The following PDK1 variants were observed in gnomAD, a reference collection of about 807,000 sequenced individuals.
PDK1 encodes pyruvate dehydrogenase kinase 1.
A neutral mutation model predicts 54.2 loss-of-function variants in PDK1; 39 were observed. The ratio of observed to expected loss-of-function variants is 0.72; its 90% CI spans 0.56 to 0.94. The LOEUF (loss-of-function observed/expected upper bound fraction) is 0.94. Among genes scored for constraint, PDK1 ranks in the 40% least tolerant of loss-of-function variants. The pLI is 0.00. For synonymous variants in PDK1, 221 were observed against 207.1 expected, an observed-to-expected ratio of 1.07 and a Z score of -0.58; for missense variants, 552 against 566.0, an observed-to-expected ratio of 0.98 and a Z score of 0.25.
chr2:172,560,831 A>G (rs1274808478), intron 2 of PDK1, among the ~76,000 whole-genome samples: 2 of 152,210 alleles, frequency 1.3e-5, no homozygotes, highest in African/African-American at 4.8e-5. Flanking sequence ...TTACTGATTT[A>G]AAAGTGTTGT....
the PDK1 span, among the ~76,000 whole-genome samples, chr2:172,713,733 C>T: frequency 6.6e-5 from 10 of 152,230 alleles, no homozygotes; most frequent in African/African-American, 2.4e-4. Context: ...CACAGGGATG[C>T]CCAGGTCCTG....
At chr2:172,709,187 A>C in the PDK1 span, among the ~76,000 whole-genome samples, 2 of 151,956 alleles carry the variant, frequency 1.3e-5, no homozygotes, top group Non-Finnish European at 2.9e-5. Context: ...TACCACCACC[A>C]CCCTAAGCCA....
At chr2:172,660,247 C>CTTTTTTTTTTTTTTTTTTT in the PDK1 span, among the ~76,000 whole-genome samples, 1 of 44,218 alleles carries the variant, frequency 2.3e-5, no homozygotes, top group Non-Finnish European at 3.9e-5. Context: ...CTCTCTCTCT[C>CTTTTTTTTTTTTTTTTTTT]TTTTTTTTTT....
At chr2:172,583,889 A>G (rs1246541140) in intron 8 of PDK1, among the ~76,000 whole-genome samples, 3 of 152,138 alleles carry the variant, frequency 2.0e-5, no homozygotes, top group African/African-American at 4.8e-5. Flanking sequence ...GTGTATGACA[A>G]CTATATTGTT....
the PDK1 span, among the ~76,000 whole-genome samples, chr2:172,645,822 A>C: frequency 6.6e-6 from 1 of 152,194 alleles, no homozygotes; most frequent in African/African-American, 2.4e-5. Flanking sequence ...CCTGGCAGAA[A>C]GGATGTTTGT....
At chr2:172,681,784 A>T in the PDK1 span, among the ~76,000 whole-genome samples, 1 of 152,146 alleles carries the variant, frequency 6.6e-6, no homozygotes, top group African/African-American at 2.4e-5. Context: ...TTTTTTATGG[A>T]GTCTCAGTCT....
At chr2:172,629,364 C>A in the PDK1 span, among the ~76,000 whole-genome samples, 1 of 152,160 alleles carries the variant, frequency 6.6e-6, no homozygotes, top group Admixed American at 6.5e-5. Flanking sequence ...CCCACAGGCC[C>A]CACTGGTGGA....
intron 3 of PDK1, chr2:172,564,251 G>C: frequency 1.9e-6 from 1 of 527,658 alleles, no homozygotes; most frequent in Non-Finnish European, 3.4e-6. Context: ...TACGTTTTGT[G>C]GCAGCCTTAC....
chr2:172,719,629 A>G, the PDK1 span, among the ~76,000 whole-genome samples: 8 of 151,870 alleles, frequency 5.3e-5, no homozygotes, highest in Non-Finnish European at 1.0e-4. Context: ...CCAGTTTCCA[A>G]TATATGTTTA....
the PDK1 span, among the ~76,000 whole-genome samples, chr2:172,713,292 A>G: frequency 6.6e-6 from 1 of 152,212 alleles, no homozygotes; most frequent in Non-Finnish European, 1.5e-5. Flanking sequence ...GGGCTTGGAA[A>G]AAGTACTGTA....
At chr2:172,649,539 G>A in the PDK1 span, among the ~76,000 whole-genome samples, 18 of 152,090 alleles carry the variant, frequency 1.2e-4, no homozygotes, top group African/African-American at 3.1e-4. Flanking sequence ...AAACTTCTCC[G>A]AGCTAAAGGA....
intron 3 of PDK1, chr2:172,564,055 A>T: frequency 4.2e-6 from 2 of 471,688 alleles, no homozygotes; most frequent in Non-Finnish European, 8.8e-6. Flanking sequence ...ACCCTAGGGA[A>T]TAGGTCCAAA....
chr2:172,666,346 AT>A, the PDK1 span, among the ~76,000 whole-genome samples: 1 of 152,232 alleles, frequency 6.6e-6, no homozygotes, highest in Non-Finnish European at 1.5e-5. Flanking sequence ...TTGGAAATAA[AT>A]TTTCAGTGCC....
At chr2:172,676,327 G>GT in the PDK1 span, among the ~76,000 whole-genome samples, 1 of 152,170 alleles carries the variant, frequency 6.6e-6, no homozygotes, top group Non-Finnish European at 1.5e-5. Flanking sequence ...TCTGGGCAAA[G>GT]TAAATAGAAA....
the PDK1 span, among the ~76,000 whole-genome samples, chr2:172,683,415 G>A: frequency 2.0e-5 from 3 of 151,958 alleles, no homozygotes; most frequent in African/African-American, 7.3e-5. Flanking sequence ...GGCTGTACAG[G>A]AAGCATGGCA....
the PDK1 span, among the ~76,000 whole-genome samples, chr2:172,680,576 C>T: frequency 6.6e-6 from 1 of 151,856 alleles, no homozygotes; most frequent in African/African-American, 2.4e-5. Flanking sequence ...CTATGTTGAC[C>T]AGGCTGGTCT....
the PDK1 span, chr2:172,723,660 C>T: frequency 2.0e-5 from 3 of 152,178 alleles, no homozygotes; most frequent in Non-Finnish European, 2.9e-5. Context: ...CTGGATAACA[C>T]AAGCCAAAGA....
rs954868771 is a variant in PDK1 at position 172,606,935 on chromosome 2, T to C, written c.*10966T>C. ...GGTAGTTTCTCTATCATGCCACTTT[T>C]GTAGCATGCTTTGGGGTCTTATTCC... On this transcript the variant is annotated 3_prime_UTR_variant, in exon 11 of 11. Transcript: ENST00000282077. 3.3e-5 allele frequency: 5 copies of C among 152,266 alleles called. No homozygotes were observed. In the East Asian group the frequency reaches 7.7e-4, roughly 24 times the overall value. 9.4% of individuals were successfully genotyped at this position (152,266 alleles called of 1,614,324 possible). A position where few individuals can be genotyped will look rare whatever the true frequency, so the allele number is the denominator to read the frequency against.
At chr2:172,629,680 T>C in the PDK1 span, among the ~76,000 whole-genome samples, 1 of 152,182 alleles carries the variant, frequency 6.6e-6, no homozygotes, top group Non-Finnish European at 1.5e-5. Context: ...CACTGAGCTA[T>C]GAAACATTTA....
Sources: allele counts gnomAD v4.1 joint callset (sites outside exome capture counted in the v4.1 genomes callset), GRCh38; gene constraint gnomAD v4.1.1; transcripts MANE v1.5; gene names NCBI Gene and HGNC (gene_info 2026-07-23, HGNC 2026-07-21).